Variants in COL26A1 observed in about 807,000 individuals in gnomAD.
COL26A1 encodes collagen type XXVI alpha 1 chain.
In COL26A1, 41 loss-of-function variants were observed where a neutral mutation model predicts 59.3. The ratio of observed to expected loss-of-function variants is 0.69; its 90% CI spans 0.54 to 0.90. The LOEUF (loss-of-function observed/expected upper bound fraction) is 0.90. Ranked by LOEUF, COL26A1 falls within the 40% of genes least tolerant of loss-of-function variation. The probability of loss-of-function intolerance (pLI) is 0.00; values close to 1 mark genes in which losing one functional copy is unlikely to be tolerated. For synonymous variants in COL26A1, 266 were observed against 256.0 expected (o/e 1.04, Z -0.37); for missense variants, 612 against 602.3 (o/e 1.02, Z -0.17).
At chr7:101,406,195 G>C (rs949697534) in intron 1 of COL26A1, among the ~76,000 whole-genome samples, 1 of 152,190 alleles carries the variant, frequency 6.6e-6, no homozygotes, top group Non-Finnish European at 1.5e-5. Flanking sequence ...AAAAATCAAT[G>C]ACCTTAACTT....
At chr7:101,480,852 G>A (rs910409704) in intron 3 of COL26A1, among the ~76,000 whole-genome samples, 1 of 152,072 alleles carries the variant, frequency 6.6e-6, no homozygotes, top group Non-Finnish European at 1.5e-5. Context: ...TTCCTTGTTT[G>A]TTTTGTAATT....
intron 3 of COL26A1, among the ~76,000 whole-genome samples, chr7:101,473,154 A>G (rs1793945700): frequency 6.7e-6 from 1 of 150,188 alleles, no homozygotes; most frequent in East Asian, 2.0e-4. Flanking sequence ...ATCTCTGCTC[A>G]CTGCAAGCTC....
chr7:101,363,487 G>A (rs1236418963), intron 1 of COL26A1, among the ~76,000 whole-genome samples: 1 of 133,522 alleles, frequency 7.5e-6, no homozygotes, highest in East Asian at 2.5e-4. Context: ...GGGTCACGGG[G>A]GGAAAGACCG....
At chr7:101,462,627 G>A (rs1164552530) in intron 3 of COL26A1, among the ~76,000 whole-genome samples, 1 of 152,126 alleles carries the variant, frequency 6.6e-6, no homozygotes, top group Non-Finnish European at 1.5e-5. Flanking sequence ...TTAACTTCAT[G>A]TATTTATTTC....
intron 2 of COL26A1, among the ~76,000 whole-genome samples, chr7:101,423,562 A>G (rs145994919): frequency 2.6e-4 from 39 of 151,722 alleles, no homozygotes; most frequent in Middle Eastern, 3.2e-3. Context: ...GTGAAATCCC[A>G]TCTCTACTAA....
chr7:101,400,351 C>CTTTTTTTTTTTTTTTTTT (rs1387032420), intron 1 of COL26A1, among the ~76,000 whole-genome samples: 1 of 123,352 alleles, frequency 8.1e-6, no homozygotes. Flanking sequence ...CTTTTTTTTC[C>CTTTTTTTTTTTTTTTTTT]TATTTTTTTT....
rs373677164 is a variant in COL26A1 at position 101,470,649 on chromosome 7, A to G, written c.385+22862A>G. Among the ~76,000 whole-genome samples, 6 of 152,056 alleles carry G rather than the reference A, an allele frequency of 3.9e-5. No homozygotes were observed. The East Asian group carries it at 1.2e-3, about 29-fold the overall frequency. ...TGGGGACGGGATGTAGAGCTTCTCT[A>G]TCTTTTCTGAGTATCCGCTGTCCCA... is the stretch of plus-strand genomic sequence containing the variant. On this transcript the variant is annotated intron_variant, in intron 3 of 12. Coordinates refer to ENST00000313669, the MANE Select transcript of COL26A1 (RefSeq NM_001278563.3).
At chr7:101,548,125 G>A (rs1795779636) in intron 8 of COL26A1, among the ~76,000 whole-genome samples, 1 of 152,128 alleles carries the variant, frequency 6.6e-6, no homozygotes, top group African/African-American at 2.4e-5. Context: ...AGGGTACCTG[G>A]GGGCCTTCAG....
chr7:101,374,508 T>C (rs1791263796), intron 1 of COL26A1, among the ~76,000 whole-genome samples: 1 of 152,164 alleles, frequency 6.6e-6, no homozygotes, highest in Non-Finnish European at 1.5e-5. Context: ...CTGCCTTAGC[T>C]CTGCCTCCTG....
intron 4 of COL26A1, 121 bp downstream of exon 4, chr7:101,533,264 G>A: frequency 1.3e-6 from 1 of 753,714 alleles, no homozygotes; most frequent in South Asian, 1.6e-5. Context: ...TTCCAAGCAG[G>A]CTTGGACAGC....
chr7:101,553,440 G>T, intron 11 of COL26A1, 64 bp downstream of exon 11: 1 of 1,527,982 alleles, frequency 6.5e-7, no homozygotes. Context: ...TCACGGGAGG[G>T]CAGGTGCCCC....
At chr7:101,476,904 C>A (rs1158984152) in intron 3 of COL26A1, among the ~76,000 whole-genome samples, 2 of 150,350 alleles carry the variant, frequency 1.3e-5, no homozygotes, top group East Asian at 3.9e-4. Flanking sequence ...AGTGCACTGG[C>A]ACGATCTCGG....
intron 4 of COL26A1, 25 bp downstream of exon 4, chr7:101,533,168 C>G (rs1795405784): frequency 6.4e-7 from 1 of 1,571,130 alleles, no homozygotes; most frequent in Non-Finnish European, 8.7e-7. Flanking sequence ...GGAGTCTGGG[C>G]CTGGGGAGCT....
At chr7:101,489,658 TTTCTTCCTTCCTTCCTTCCTTC>T (rs1794351424) in intron 3 of COL26A1, among the ~76,000 whole-genome samples, 1 of 71,980 alleles carries the variant, frequency 1.4e-5, no homozygotes, top group Non-Finnish European at 2.5e-5. Flanking sequence ...TCTTTCTTTC[TTTCTTCCTTCCTTCCTTCCTTC>T]CTTTCTTTCT....
chr7:101,369,760 G>A (rs897343209), intron 1 of COL26A1, among the ~76,000 whole-genome samples: 1 of 151,944 alleles, frequency 6.6e-6, no homozygotes, highest in Non-Finnish European at 1.5e-5. Flanking sequence ...GTTTAATTCT[G>A]CTAGATAGCG....
intron 7 of COL26A1, among the ~76,000 whole-genome samples, chr7:101,545,903 TG>T (rs528053186): frequency 7.4e-4 from 113 of 152,240 alleles, no homozygotes; most frequent in Non-Finnish European, 1.3e-3. Flanking sequence ...TATCCCTTAT[TG>T]TACTTGTTCC....
At chr7:101,488,759 A>G (rs571929319) in intron 3 of COL26A1, among the ~76,000 whole-genome samples, 1 of 152,266 alleles carries the variant, frequency 6.6e-6, no homozygotes, top group African/African-American at 2.4e-5. Context: ...CATCTTCAGA[A>G]CTTTTTCATT....
intron 3 of COL26A1, among the ~76,000 whole-genome samples, chr7:101,449,465 GATCAATAAAATCAGCAATGTTAGCCGGGA>G (rs1409396523): frequency 2.0e-5 from 3 of 152,180 alleles, no homozygotes; most frequent in Admixed American, 6.6e-5. Flanking sequence ...CTGTTTCAGT[GATCAATAAAATCAGCAATGTTAGCCGGGA>G]ATGGTGGCTT....
intron 2 of COL26A1, among the ~76,000 whole-genome samples, chr7:101,431,199 C>T (rs2130317994): frequency 6.6e-6 from 1 of 152,268 alleles, no homozygotes. Context: ...TGTTTGTTCA[C>T]AATAAAACAT....
Sources: allele counts gnomAD v4.1 joint callset (sites outside exome capture counted in the v4.1 genomes callset), GRCh38; gene constraint gnomAD v4.1.1; transcripts MANE v1.5; gene names NCBI Gene and HGNC (gene_info 2026-07-23, HGNC 2026-07-21).